Variants in IARS2 observed in about 807,000 individuals in gnomAD.
The protein encoded by IARS2 is isoleucine--tRNA ligase, mitochondrial.
A neutral mutation model predicts 126.3 loss-of-function variants in IARS2; 56 were observed. That is an observed-to-expected ratio of 0.44 (90% CI 0.36 to 0.55). The LOEUF (loss-of-function observed/expected upper bound fraction) is 0.55. IARS2 is among the 20% of genes least tolerant of loss of function. IARS2 has a pLI of 0.00. For synonymous variants in IARS2, 407 were observed against 441.1 expected (o/e 0.92, Z 0.97); for missense variants, 1,127 against 1,245.9 (o/e 0.90, Z 1.44).
intron 12 of IARS2, among the ~76,000 whole-genome samples, chr1:220,122,932 T>C (rs1657077151): frequency 6.8e-6 from 1 of 147,538 alleles, no homozygotes; most frequent in Non-Finnish European, 1.5e-5. Flanking sequence ...AATGATAACA[T>C]TGTAAAAAAA....
chr1:220,111,517 T>C (rs906228843), intron 11 of IARS2, among the ~76,000 whole-genome samples: 1 of 151,734 alleles, frequency 6.6e-6, no homozygotes, highest in African/African-American at 2.4e-5. Context: ...TTATAATTGG[T>C]ATTTAAATAC....
At chr1:220,140,147 C>A in intron 18 of IARS2, 36 bp from the exon 19 acceptor site, 1 of 1,229,380 alleles carries the variant, frequency 8.1e-7, no homozygotes, top group Non-Finnish European at 1.2e-6. Context: ...ATTTGCCTGT[C>A]TCAGCTTCCA....
rs182242741 is a variant in IARS2, at chr1:220,131,860, C to T, written c.1838-2542C>T. The stretch of plus-strand genomic sequence containing the variant: ...TTGCCTAGGCTGGAGTGCAATGGCA[C>T]GATCTCAGCTCACTGCAACCCCCGC... On this transcript the variant is annotated intron_variant, in intron 14 of 22. Coordinates refer to ENST00000366922, the MANE Select transcript of IARS2 (RefSeq NM_018060.4). 2.2e-3 allele frequency among the ~76,000 whole-genome samples: 324 copies of T among 147,406 alleles called. 2 individuals carry two copies. The highest frequency in any genetic ancestry group is 8.9e-4 in the Non-Finnish European group (60 of 67,152).
intron 14 of IARS2, among the ~76,000 whole-genome samples, chr1:220,132,499 G>T (rs1293309038): frequency 1.3e-5 from 2 of 148,880 alleles, no homozygotes; most frequent in Non-Finnish European, 3.0e-5. Context: ...TTTCTCTGTT[G>T]TCTGTTGTAT....
rs550670166 is a variant in IARS2 at position 220,145,498 on chromosome 1, C to G, written c.2752-11C>G. On this transcript the variant is annotated splice_polypyrimidine_tract_variant and intron_variant, in intron 21 of 22. Transcript: ENST00000366922. ...TAACATAAACTGTAACTTTCACATG[C>G]TTCCTTCCAGATGCTGCAGTCTGAA... 1.5e-5 allele frequency: 24 copies of G among 1,592,472 alleles called. No individual in the cohort carries two copies. The African/African-American group carries it at 2.8e-4, about 19-fold the overall frequency.
chr1:220,114,456 A>T lies in IARS2; in HGVS notation c.1622A>T (p.Asp541Val). The T allele has an allele frequency of 1.9e-6, 3 of 1,612,596 alleles. No homozygotes were observed. Among genetic ancestry groups the T allele is most frequent in the Non-Finnish European group, 2.5e-6 (3 of 1,179,510 alleles). Residue 541 changes from aspartate to valine, a missense_variant, in exon 12 of 23, where the codon GAT becomes GTT. Asp to Val is a radical substitution (Grantham distance 152). Transcript: ENST00000366922. ...PIPVFHHKTK[D>V]EYLINSQTTE... ...CCTGTGTTTCATCATAAGACCAAGG[A>T]TGAATACTTGATCAACAGGTAGAAT...
chr1:220,104,919 C>G (rs1656649218), intron 8 of IARS2, among the ~76,000 whole-genome samples: 1 of 152,018 alleles, frequency 6.6e-6, no homozygotes, highest in Non-Finnish European at 1.5e-5. Flanking sequence ...ACAAAAACTG[C>G]CTAGAAAGAC....
Position 220,144,798 on chromosome 1 carries a change from A to G in IARS2, c.2752-711A>G, listed in dbSNP as rs528125694. On this transcript the variant is annotated intron_variant, in intron 21 of 22. Transcript: ENST00000366922. ...ATCATACCAAGTAGCTGTAAGATGG[A>G]GTCCTGGTTCTATCCATTACTAATT... Among the ~76,000 whole-genome samples the G allele has an allele frequency of 4.6e-5, 7 of 152,332 alleles. No individual in the cohort carries two copies. The East Asian group carries it at 1.2e-3, about 25-fold the overall frequency.
chr1:220,137,760 A>G (rs1401385633), intron 16 of IARS2, 158 bp from the exon 17 acceptor site: 1 of 718,220 alleles, frequency 1.4e-6, no homozygotes, highest in East Asian at 2.7e-5. Flanking sequence ...GATACAGTCT[A>G]ATTTGAGATT....
At chr1:220,137,061 T>A (rs1191358274) in intron 16 of IARS2, 150 bp downstream of exon 16, 1 of 542,456 alleles carries the variant, frequency 1.8e-6, no homozygotes, top group African/African-American at 2.0e-5. Context: ...AGGCAGAGGC[T>A]GGGATTGTGG....
At chr1:220,117,248 G>C (rs999175339) in intron 12 of IARS2, among the ~76,000 whole-genome samples, 1 of 125,478 alleles carries the variant, frequency 8.0e-6, no homozygotes, top group Admixed American at 9.8e-5. Flanking sequence ...CTGGAGTGTA[G>C]TGGCACGATC....
At chr1:220,134,760 T>G in intron 15 of IARS2, 1 of 266,900 alleles carries the variant, frequency 3.7e-6, no homozygotes, top group Non-Finnish European at 7.0e-6. Flanking sequence ...TAGTTCTTTG[T>G]TGTTGTTGTT....
At chr1:220,098,983 C>T (rs1465385565) in intron 2 of IARS2, among the ~76,000 whole-genome samples, 5 of 151,750 alleles carry the variant, frequency 3.3e-5, no homozygotes, top group African/African-American at 7.3e-5. Flanking sequence ...GAGGCTGAGG[C>T]GGGCAGATCA....
intron 22 of IARS2, 113 bp from the exon 23 acceptor site, chr1:220,147,380 G>GC: frequency 1.0e-6 from 1 of 981,730 alleles, no homozygotes; most frequent in Non-Finnish European, 1.5e-6. Flanking sequence ...TGTCTGACAA[G>GC]CTTTACCAAG....
intron 9 of IARS2, 100 bp downstream of exon 9, chr1:220,106,160 C>G: frequency 9.7e-7 from 1 of 1,026,072 alleles, no homozygotes; most frequent in South Asian, 1.8e-5. Flanking sequence ...TGACTTTTGT[C>G]ATCATAATTG....
rs544502232 is a variant in IARS2, at chr1:220,102,121, T to A, written c.551-8T>A. On this transcript the variant is annotated splice_polypyrimidine_tract_variant and splice_region_variant and intron_variant, in intron 3 of 22. Coordinates refer to ENST00000366922, the MANE Select transcript of IARS2 (RefSeq NM_018060.4). ...TTTTTTAAAATCTTTTTTTCGTCTT[T>A]TTTTTAGCTAGATCATTTGCTAAAG... The A allele has an allele frequency of 6.3e-7, 1 of 1,592,192 alleles. No homozygotes were observed. Among genetic ancestry groups the A allele is most frequent in the Non-Finnish European group, 8.5e-7 (1 of 1,174,732 alleles).
chr1:220,140,247 C>A lies in IARS2; in HGVS notation c.2372C>A (p.Thr791Asn). The A allele has an allele frequency of 6.2e-7, 1 of 1,610,670 alleles. No homozygotes were observed. The highest frequency in any genetic ancestry group is 1.7e-4 in the Middle Eastern group (1 of 6,054). ...GTTCGGCTGTTACGGACGTTTTATA[C>A]CAGAGAGCTCTCTAACTTTTATTTC... The part of the protein sequence containing the change: ...KVVRLLRTFY[T>N]RELSNFYFSI... The change falls in exon 19 of 23, where the codon ACC becomes AAC. Residue 791 changes from threonine to asparagine, a missense_variant. Physicochemically the swap from Thr to Asn is moderately conservative, Grantham distance 65. Transcript: ENST00000366922.
chr1:220,100,717 C>A, intron 3 of IARS2, 68 bp downstream of exon 3: 1 of 1,270,384 alleles, frequency 7.9e-7, no homozygotes, highest in Non-Finnish European at 1.1e-6. Context: ...ATAGTCAGAA[C>A]TTTACCAAAG....
rs1329634515 is a variant in IARS2 at position 220,106,034 on chromosome 1, G to A, written c.1210G>A (p.Val404Ile). 6.2e-7 allele frequency: 1 copy of A among 1,613,912 alleles called. No homozygotes were observed. Among genetic ancestry groups the A allele is most frequent in the Non-Finnish European group, 8.5e-7 (1 of 1,179,852 alleles). The change falls in exon 9 of 23, where the codon GTA becomes ATA. Residue 404 changes from valine to isoleucine, a missense_variant. By Grantham distance (29) the Val-to-Ile change is conservative. Coordinates refer to ENST00000366922, the MANE Select transcript of IARS2 (RefSeq NM_018060.4). Reference protein sequence around the residue: ...APAHGMEDYGVASQHNLPMDC... With the variant: ...APAHGMEDYGIASQHNLPMDC... ...AGCTCATGGTATGGAAGACTACGGTGTAGCGTCTCAGCACAACCTGCCCAT... is the reference window on the plus strand; with the variant it reads ...AGCTCATGGTATGGAAGACTACGGTATAGCGTCTCAGCACAACCTGCCCAT...
Sources: gnomAD v4.1 joint callset for allele counts (sites outside exome capture counted in the v4.1 genomes callset) on GRCh38, gnomAD v4.1.1 for gene constraint, MANE v1.5 for transcripts, NCBI Gene and HGNC (gene_info 2026-07-23, HGNC 2026-07-21) for gene names.